SOX5: variants seen among roughly 807,000 people sequenced by gnomAD.
SOX5 encodes the protein transcription factor SOX-5.
Under a neutral mutation model 92.0 loss-of-function variants are expected in SOX5, and 9 were observed. The observed-to-expected ratio is 0.10, with a 90% CI of 0.06 to 0.17. The LOEUF (loss-of-function observed/expected upper bound fraction) is 0.17. Ranked by LOEUF, SOX5 falls within the 10% of genes least tolerant of loss-of-function variation. SOX5 has a pLI of 1.00. For missense variants in SOX5, 642 were observed against 944.5 expected, an observed-to-expected ratio of 0.68 and a Z score of 4.20; for synonymous variants, 344 against 336.3, an observed-to-expected ratio of 1.02 and a Z score of -0.25.
chr12:24,069,042 G>C (rs1484265988), intron 4 of SOX5, among the ~76,000 whole-genome samples: 1 of 151,276 alleles, frequency 6.6e-6, no homozygotes, highest in Non-Finnish European at 1.5e-5. Flanking sequence ...ATATCTCAGG[G>C]ACTAGGTTGC....
intron 3 of SOX5, among the ~76,000 whole-genome samples, chr12:23,799,963 T>C (rs1225107977): frequency 6.6e-6 from 1 of 152,088 alleles, no homozygotes; most frequent in Non-Finnish European, 1.5e-5. Flanking sequence ...CTTCCAAAGA[T>C]ATTGAGCTAA....
chr12:24,387,646 GACGATAATTTTCTT>G (rs1373104975), intron 1 of SOX5, among the ~76,000 whole-genome samples: 5 of 152,108 alleles, frequency 3.3e-5, no homozygotes, highest in African/African-American at 1.2e-4. Context: ...CATGAAAGAT[GACGATAATTTTCTT>G]ACAGGGAATA....
At chr12:24,074,437 T>G (rs1172329701) in intron 4 of SOX5, among the ~76,000 whole-genome samples, 1 of 152,052 alleles carries the variant, frequency 6.6e-6, no homozygotes, top group Non-Finnish European at 1.5e-5. Flanking sequence ...TTATAAAAAC[T>G]AACTACATTA....
chr12:23,628,895 T>G (rs560798932), intron 8 of SOX5, among the ~76,000 whole-genome samples: 4 of 152,040 alleles, frequency 2.6e-5, no homozygotes, highest in Non-Finnish European at 4.4e-5. Flanking sequence ...CAGCTCGAAA[T>G]TGTCATGTGG....
At chr12:24,452,335 A>C (rs969909333) in intron 1 of SOX5, among the ~76,000 whole-genome samples, 1 of 152,180 alleles carries the variant, frequency 6.6e-6, no homozygotes, top group African/African-American at 2.4e-5. Flanking sequence ...GTGTAGTTTA[A>C]AAAATTATCC....
chr12:24,407,270 T>C lies in SOX5; in HGVS notation c.-250-38631A>G, dbSNP rs541277826. On this transcript the variant is annotated intron_variant, in intron 1 of 4. Transcript: ENST00000446891. ...GCAGTCCACAAGTACTGACAAGAGA[T>C]GGTAAGACAGACATGACTAATGGAG... 2.6e-5 allele frequency among the ~76,000 whole-genome samples: 4 copies of C among 152,196 alleles called. No homozygotes were observed. In the East Asian group the frequency reaches 5.8e-4, roughly 22 times the overall value.
intron 4 of SOX5, among the ~76,000 whole-genome samples, chr12:24,018,290 G>T (rs961055829): frequency 1.3e-5 from 2 of 152,076 alleles, no homozygotes; most frequent in Non-Finnish European, 2.9e-5. Context: ...CATTTGCTTA[G>T]ATTTTTTTTA....
chr12:23,920,605 T>G (rs1595658762), intron 1 of SOX5: 2 of 152,330 alleles, frequency 1.3e-5, no homozygotes, highest in East Asian at 1.9e-4. Flanking sequence ...ATGAATCTTC[T>G]CATGAAGAGC....
intron 4 of SOX5, among the ~76,000 whole-genome samples, chr12:24,081,840 GTCTT>G (rs1232989229): frequency 2.0e-5 from 3 of 151,884 alleles, no homozygotes; most frequent in East Asian, 3.9e-4. Flanking sequence ...TATCAAACGT[GTCTT>G]TCTTTCTCTC....
At chr12:24,412,122 T>C (rs1566101089) in intron 1 of SOX5, among the ~76,000 whole-genome samples, 1 of 152,232 alleles carries the variant, frequency 6.6e-6, no homozygotes, top group Non-Finnish European at 1.5e-5. Flanking sequence ...GATACATCCG[T>C]ATCGTATCGA....
intron 6 of SOX5, among the ~76,000 whole-genome samples, chr12:23,689,155 C>T (rs1350447279): frequency 6.6e-6 from 1 of 152,118 alleles, no homozygotes; most frequent in Non-Finnish European, 1.5e-5. Flanking sequence ...TTTAGCCCTT[C>T]TTAATGCTTA....
At chr12:24,013,475 T>G (rs1373413237) in intron 4 of SOX5, among the ~76,000 whole-genome samples, 1 of 152,224 alleles carries the variant, frequency 6.6e-6, no homozygotes, top group Non-Finnish European at 1.5e-5. Context: ...CGTATCTGCA[T>G]ATTTAATCTG....
intron 4 of SOX5, among the ~76,000 whole-genome samples, chr12:23,742,963 A>AC (rs1179843731): frequency 6.6e-6 from 1 of 152,122 alleles, no homozygotes; most frequent in East Asian, 1.9e-4. Context: ...AAAAAAAAAA[A>AC]ATCTAGTCCA....
chr12:24,424,567 G>A (rs1210673126), intron 1 of SOX5, among the ~76,000 whole-genome samples: 1 of 151,906 alleles, frequency 6.6e-6, no homozygotes, highest in African/African-American at 2.4e-5. Context: ...CACCCCCCAA[G>A]TTACTAGTAA....
chr12:23,633,280 T>C (rs546576213), intron 8 of SOX5, among the ~76,000 whole-genome samples: 1 of 152,212 alleles, frequency 6.6e-6, no homozygotes, highest in African/African-American at 2.4e-5. Context: ...AAAATATTCA[T>C]GATGCCCATT....
chr12:24,052,863 C>T (rs1957696325), intron 4 of SOX5, among the ~76,000 whole-genome samples: 1 of 152,176 alleles, frequency 6.6e-6, no homozygotes, highest in Non-Finnish European at 1.5e-5. Context: ...TACATTCAAA[C>T]AAAAATCTGA....
chr12:23,833,797 T>C (rs562412584), intron 3 of SOX5, among the ~76,000 whole-genome samples: 1 of 151,642 alleles, frequency 6.6e-6, no homozygotes, highest in African/African-American at 2.4e-5. Flanking sequence ...AATAAATGAG[T>C]CAAATAGGGA....
chr12:23,961,655 A>G (rs1317752408), intron 4 of SOX5, among the ~76,000 whole-genome samples: 1 of 152,192 alleles, frequency 6.6e-6, no homozygotes, highest in Non-Finnish European at 1.5e-5. Flanking sequence ...ACCCAGTAGA[A>G]CATAAATTCC....
intron 7 of SOX5, among the ~76,000 whole-genome samples, chr12:23,649,958 G>A (rs555623870): frequency 6.6e-6 from 1 of 152,192 alleles, no homozygotes; most frequent in African/African-American, 2.4e-5. Flanking sequence ...CAGTTTTATG[G>A]CATTATCTTC....
Sources: gnomAD v4.1 joint callset for allele counts (sites outside exome capture counted in the v4.1 genomes callset) on GRCh38, gnomAD v4.1.1 for gene constraint, MANE v1.5 for transcripts, NCBI Gene and HGNC (gene_info 2026-07-23, HGNC 2026-07-21) for gene names.